SLC14A2: variants seen among roughly 807,000 people sequenced by gnomAD.
SLC14A2 encodes solute carrier family 14 member 2.
SLC14A2 carries 91 observed loss-of-function variants against 104.6 expected under a neutral mutation model. The ratio of observed to expected loss-of-function variants is 0.87; its 90% CI spans 0.73 to 1.04. The LOEUF is 1.04. Among genes scored for constraint, SLC14A2 ranks in the 50% least tolerant of loss-of-function variants. The pLI, the probability that SLC14A2 is intolerant of heterozygous loss-of-function variation, is 0.00. For missense variants in SLC14A2, 1,189 were observed against 1,156.0 expected (o/e 1.03, Z -0.41); for synonymous variants, 476 against 466.4 (o/e 1.02, Z -0.27).
intron 1 of SLC14A2, among the ~76,000 whole-genome samples, chr18:45,261,777 T>C (rs1361169824): frequency 6.6e-6 from 1 of 152,242 alleles, no homozygotes; most frequent in Non-Finnish European, 1.5e-5. Context: ...ATTGTGTATA[T>C]GTGACACATT....
intron 1 of SLC14A2, among the ~76,000 whole-genome samples, chr18:45,267,546 T>C (rs2084604885): frequency 6.6e-6 from 1 of 152,178 alleles, no homozygotes; most frequent in Non-Finnish European, 1.5e-5. Context: ...TTGATCATTA[T>C]GAATAATGCA....
At chr18:45,300,596 T>C (rs76128938) in intron 1 of SLC14A2, among the ~76,000 whole-genome samples, 45 of 152,296 alleles carry the variant, frequency 3.0e-4, no homozygotes, top group Non-Finnish European at 5.6e-4. Context: ...GATGTGAAGT[T>C]TTTTAAAAAG....
chr18:45,517,652 C>A (rs1341593029), intron 2 of SLC14A2, among the ~76,000 whole-genome samples: 1 of 152,218 alleles, frequency 6.6e-6, no homozygotes, highest in African/African-American at 2.4e-5. Context: ...GCGGTGAAGG[C>A]GGCCACCAAT....
intron 1 of SLC14A2, among the ~76,000 whole-genome samples, chr18:45,458,101 C>T (rs1217573978): frequency 6.6e-6 from 1 of 152,202 alleles, no homozygotes; most frequent in Non-Finnish European, 1.5e-5. Flanking sequence ...GGATTTCAGG[C>T]CTCATCCCTG....
chr18:45,494,264 A>T (rs2043052409), intron 2 of SLC14A2, among the ~76,000 whole-genome samples: 1 of 152,194 alleles, frequency 6.6e-6, no homozygotes, highest in Non-Finnish European at 1.5e-5. Context: ...CCTACTGTAC[A>T]TTCATGGTCC....
chr18:45,516,369 G>A (rs142379105), intron 2 of SLC14A2, among the ~76,000 whole-genome samples: 14 of 152,148 alleles, frequency 9.2e-5, no homozygotes, highest in African/African-American at 3.4e-4. Context: ...CAAATTTGCC[G>A]CTAAAATAAG....
rs775412554 is a variant in SLC14A2, at chr18:45,666,210, C to A, written c.1548C>A (p.Val516=). The A allele has an allele frequency of 8.7e-6, 14 of 1,611,148 alleles. No individual in the cohort carries two copies. The East Asian group carries it at 2.2e-4, about 26-fold the overall frequency. The stretch of plus-strand genomic sequence containing the variant: ...CCTATCGATACCGGAAGCCCACAGT[C>A]GAGCTGCTTGTGAGTACTGAGTGTC... ...PFPYRYRKPT[V]ELLDLDTMEE... is the part of the protein sequence containing the mutation. Residue 516 remains valine, a synonymous_variant, in exon 12 of 20, where the codon GTC becomes GTA. Coordinates refer to ENST00000255226, the MANE Select transcript of SLC14A2 (RefSeq NM_007163.4).
intron 1 of SLC14A2, among the ~76,000 whole-genome samples, chr18:45,270,371 C>A (rs2084639432): frequency 6.6e-6 from 1 of 152,132 alleles, no homozygotes; most frequent in South Asian, 2.1e-4. Context: ...CAGGAAAGAA[C>A]TAGAGGGAAG....
At chr18:45,237,875 G>A (rs1419775526) in intron 1 of SLC14A2, among the ~76,000 whole-genome samples, 2 of 152,218 alleles carry the variant, frequency 1.3e-5, no homozygotes, top group Non-Finnish European at 2.9e-5. Flanking sequence ...ATTGTGGTTG[G>A]TAGTATGCAT....
intron 1 of SLC14A2, among the ~76,000 whole-genome samples, chr18:45,259,910 G>A (rs1425512006): frequency 6.6e-6 from 1 of 152,142 alleles, no homozygotes; most frequent in African/African-American, 2.4e-5. Flanking sequence ...CAAAGCTTGA[G>A]CATTGGGCTC....
intron 1 of SLC14A2, among the ~76,000 whole-genome samples, chr18:45,620,078 C>T (rs2045139779): frequency 6.6e-6 from 1 of 152,214 alleles, no homozygotes; most frequent in African/African-American, 2.4e-5. Context: ...GCCCCCTACC[C>T]CAAAGCCAAA....
the SLC14A2 span, among the ~76,000 whole-genome samples, chr18:45,185,275 T>C: frequency 8.9e-3 from 1,359 of 152,344 alleles, 21 homozygotes; most frequent in African/African-American, 0.032. Flanking sequence ...TTTCTTGAAC[T>C]TGGAGGTTGT....
At chr18:45,522,433 G>A (rs1324428318) in intron 2 of SLC14A2, among the ~76,000 whole-genome samples, 6 of 152,106 alleles carry the variant, frequency 3.9e-5, no homozygotes, top group Admixed American at 1.3e-4. Context: ...TCCCCAGAGC[G>A]GCAGCTTCCC....
intron 2 of SLC14A2, among the ~76,000 whole-genome samples, chr18:45,579,191 C>T (rs948592751): frequency 1.3e-5 from 2 of 152,148 alleles, no homozygotes; most frequent in Non-Finnish European, 2.9e-5. Flanking sequence ...CAGCCCAGAT[C>T]CAAGGGATGG....
At chr18:45,218,864 A>G (rs1393699824) in intron 1 of SLC14A2, among the ~76,000 whole-genome samples, 5 of 151,640 alleles carry the variant, frequency 3.3e-5, no homozygotes, top group Non-Finnish European at 5.9e-5. Flanking sequence ...CTTGGTCCAC[A>G]TGCACTAAAT....
intron 2 of SLC14A2, among the ~76,000 whole-genome samples, chr18:45,532,820 T>C (rs994366329): frequency 1.4e-4 from 21 of 152,332 alleles, no homozygotes; most frequent in Middle Eastern, 3.4e-3. Flanking sequence ...TTCAGTATGA[T>C]ATTGGCTGTG....
intron 3 of SLC14A2, 49 bp from the exon 4 acceptor site, chr18:45,626,909 G>A (rs2045265469): frequency 6.7e-7 from 1 of 1,489,126 alleles, no homozygotes; most frequent in African/African-American, 1.4e-5. Context: ...CAGTTCAGCA[G>A]AGCAGCCCAA....
intron 10 of SLC14A2, among the ~76,000 whole-genome samples, chr18:45,648,485 A>T (rs902560671): frequency 3.3e-5 from 5 of 152,150 alleles, no homozygotes; most frequent in South Asian, 2.1e-4. Context: ...GATTACAGGC[A>T]TGAGCCACCA....
At chr18:45,280,379 A>G (rs6507605) in intron 1 of SLC14A2, among the ~76,000 whole-genome samples, 14,556 of 152,170 alleles carry the variant, frequency 0.096, 1,942 homozygotes, top group African/African-American at 0.29. Flanking sequence ...TCAAAGGCAT[A>G]TAAGGGTGTT....
Sources: gnomAD v4.1 joint callset for allele counts (sites outside exome capture counted in the v4.1 genomes callset) on GRCh38, gnomAD v4.1.1 for gene constraint, MANE v1.5 for transcripts, NCBI Gene and HGNC (gene_info 2026-07-23, HGNC 2026-07-21) for gene names.